MGA: variants seen among roughly 807,000 people sequenced by gnomAD.
MGA encodes MAX dimerization protein MGA, also known as MAX gene-associated protein.
In MGA, 40 loss-of-function variants were observed where a neutral mutation model predicts 261.1. The observed-to-expected ratio is 0.15, with a 90% CI of 0.12 to 0.20. The LOEUF (loss-of-function observed/expected upper bound fraction) is 0.20, where lower values mean the gene tolerates loss of function less well. Ranked by LOEUF, MGA falls within the 10% of genes least tolerant of loss-of-function variation. The pLI is 1.00. For synonymous variants in MGA, 1,302 were observed against 1,290.6 expected (o/e 1.01, Z -0.19); for missense variants, 3,397 against 3,630.5 (o/e 0.94, Z 1.65).
In MGA at chr15:41,725,834, C is replaced by CAAA. The variant is rs1204528358; in HGVS notation, c.3431-1326_3431-1324dup. Among the ~76,000 whole-genome samples, 19 of 9,018 alleles carry CAAA rather than the reference C, an allele frequency of 2.1e-3. 2 individuals carry two copies. The highest frequency in any genetic ancestry group is 3.0e-3 in the Non-Finnish European group (15 of 5,000). 5.9% of individuals were successfully genotyped at this position (9,018 alleles called of 152,430 possible). A position where few individuals can be genotyped will look rare whatever the true frequency, so the allele number is the denominator to read the frequency against. Reference sequence around the variant, plus strand: ...TGGGCGACAGAGCGAGACTCCGTCTCAAAAAAAAAAAAAAAAAAAAAATAA... The same window carrying CAAA: ...TGGGCGACAGAGCGAGACTCCGTCTCAAAAAAAAAAAAAAAAAAAAAAAAATAA... On this transcript the variant is annotated intron_variant, in intron 9 of 23. Coordinates refer to ENST00000219905, the MANE Select transcript of MGA (RefSeq NM_001164273.2).
intron 2 of MGA, among the ~76,000 whole-genome samples, chr15:41,692,386 C>T (rs914621540): frequency 2.6e-5 from 4 of 152,134 alleles, no homozygotes; most frequent in African/African-American, 4.8e-5. Flanking sequence ...TTGGGGTCCT[C>T]GAGATTCTGC....
At chr15:41,674,595 C>T (rs1395394636) in intron 2 of MGA, among the ~76,000 whole-genome samples, 1 of 152,202 alleles carries the variant, frequency 6.6e-6, no homozygotes, top group South Asian at 2.1e-4. Flanking sequence ...TCTGGGCTCA[C>T]TGCAACCTCC....
At chr15:41,698,409 C>T (rs1212368672) in intron 3 of MGA, among the ~76,000 whole-genome samples, 1 of 152,132 alleles carries the variant, frequency 6.6e-6, no homozygotes, top group Non-Finnish European at 1.5e-5. Context: ...TTGTGATCCA[C>T]CTGCCTCGGC....
rs111704389 is a variant in MGA at position 41,729,666 on chromosome 15, A to G, written c.3843+317A>G. ...GTGAAACCCTATCTTTACTAAAAAT[A>G]CAAAAAAAAAAATTAGCTGGGCCTG... On this transcript the variant is annotated intron_variant, in intron 11 of 23. Coordinates refer to ENST00000219905, the MANE Select transcript of MGA (RefSeq NM_001164273.2). Among the ~76,000 whole-genome samples, 699 of 151,762 alleles carry G rather than the reference A, an allele frequency of 4.6e-3. 7 individuals carry two copies. Among genetic ancestry groups the G allele is most frequent in the African/African-American group, 0.016 (663 of 41,380 alleles).
intron 2 of MGA, among the ~76,000 whole-genome samples, chr15:41,688,686 T>C (rs922061255): frequency 1.3e-5 from 2 of 151,524 alleles, no homozygotes; most frequent in African/African-American, 2.4e-5. Context: ...TTTGTGTGGA[T>C]TGAGCTTTTC....
chr15:41,737,087 T>C (rs990942872), intron 13 of MGA, among the ~76,000 whole-genome samples: 21 of 152,178 alleles, frequency 1.4e-4, no homozygotes, highest in African/African-American at 7.2e-5. Flanking sequence ...GTTAGAACGG[T>C]AGGTGTAAGG....
intron 1 of MGA, among the ~76,000 whole-genome samples, chr15:41,629,965 A>G (rs1437276790): frequency 6.6e-6 from 1 of 152,148 alleles, no homozygotes; most frequent in African/African-American, 2.4e-5. Context: ...TCTTCCTGTT[A>G]CTTGAATCCT....
At position 41,713,280 on chromosome 15, in the gene MGA, C is replaced by A; in HGVS notation, c.3214C>A (p.Arg1072Ser). The change falls in exon 9 of 24, where the codon CGC becomes AGC. Residue 1072 changes from arginine (R) to serine (S), a missense_variant. By Grantham distance (110) the Arg-to-Ser change is moderately radical (BLOSUM62 -1). Transcript: ENST00000219905. ...GGAGAAGCGCCAACCTGCTCACTGC[C>A]GCCGACCAGACTGCATGTTTGGTTG... 1 of 1,613,902 alleles carries A rather than the reference C, an allele frequency of 6.2e-7. No homozygotes were observed. The highest frequency in any genetic ancestry group is 8.5e-7 in the Non-Finnish European group (1 of 1,179,882).
chr15:41,654,802 C>T (rs747721724), intron 1 of MGA, among the ~76,000 whole-genome samples: 1 of 152,194 alleles, frequency 6.6e-6, no homozygotes, highest in Non-Finnish European at 1.5e-5. Flanking sequence ...GCCCGAGCCA[C>T]TGTGCCTGAC....
intron 2 of MGA, among the ~76,000 whole-genome samples, chr15:41,681,613 G>A (rs2058685199): frequency 6.6e-6 from 1 of 151,866 alleles, no homozygotes; most frequent in Non-Finnish European, 1.5e-5. Context: ...TCCTCGCTTG[G>A]TTAATTTTTT....
chr15:41,715,058 C>T (rs1385804189), intron 9 of MGA, among the ~76,000 whole-genome samples: 3 of 150,382 alleles, frequency 2.0e-5, no homozygotes, highest in African/African-American at 7.3e-5. Context: ...TCAAGGTTCC[C>T]TCCCCCACTG....
upstream of MGA, among the ~76,000 whole-genome samples, chr15:41,656,344 T>TCTCTCTCTCTCTCTCTCTCTC (rs149903830): frequency 9.0e-4 from 54 of 60,002 alleles, 1 homozygote; most frequent in East Asian, 1.7e-3. Context: ...CTCTCCTCTC[T>TCTCTCTCTCTCTCTCTCTCTC]TCTCTCTCTC....
intron 1 of MGA, among the ~76,000 whole-genome samples, chr15:41,662,833 A>G (rs894146088): frequency 3.9e-5 from 6 of 152,118 alleles, no homozygotes; most frequent in African/African-American, 1.4e-4. Context: ...ATATACTAAC[A>G]TCTTGGTGCC....
At chr15:41,742,395 AG>A in intron 14 of MGA, 150 bp from the exon 15 acceptor site, 1 of 985,412 alleles carries the variant, frequency 1.0e-6, no homozygotes. Context: ...ATCTTAAAAA[AG>A]AAAAAAAAGA....
intron 1 of MGA, among the ~76,000 whole-genome samples, chr15:41,668,613 CTAAT>C (rs963005147): frequency 1.3e-5 from 2 of 152,044 alleles, no homozygotes; most frequent in African/African-American, 2.4e-5. Context: ...AGCACCTTAA[CTAAT>C]TAGATTAAAA....
At chr15:41,676,811 AAAAGGTTAT>A (rs1430564647) in intron 2 of MGA, among the ~76,000 whole-genome samples, 1 of 152,220 alleles carries the variant, frequency 6.6e-6, no homozygotes, top group Admixed American at 6.5e-5. Context: ...ATTATATTCT[AAAAGGTTAT>A]AACCATTTAT....
chr15:41,689,726 C>G (rs997961358), intron 2 of MGA, among the ~76,000 whole-genome samples: 1 of 151,728 alleles, frequency 6.6e-6, no homozygotes, highest in African/African-American at 2.4e-5. Flanking sequence ...CCACCACACC[C>G]GACTAATTTT....
In MGA at chr15:41,696,253, T is replaced by C; in HGVS notation, c.1243T>C (p.Ser415Pro). 1.2e-6 allele frequency: 2 copies of C among 1,613,928 alleles called. No homozygotes were observed. Among genetic ancestry groups the C allele is most frequent in the African/African-American group, 1.3e-5 (1 of 75,020 alleles). ...GACAGATGAAGAGACGGATGTATAC[T>C]CAAACAGTGATGATGATCCTATACT... The change falls in exon 3 of 24, where the codon TCA (serine) becomes CCA (proline). Residue 415 changes from serine (S) to proline (P), a missense_variant. Ser to Pro is a moderately conservative substitution (Grantham distance 74). This residue lies in a region of MGA where 563 missense variants were observed against 563.6 expected (regional missense o/e 1.00). Coordinates refer to ENST00000219905, the MANE Select transcript of MGA (RefSeq NM_001164273.2).
At chr15:41,649,275 G>A (rs1462934759) in intron 1 of MGA, among the ~76,000 whole-genome samples, 2 of 151,750 alleles carry the variant, frequency 1.3e-5, no homozygotes, top group East Asian at 1.9e-4. Flanking sequence ...CCAGCTATTC[G>A]GGAGGCTGAG....
Sources: allele counts gnomAD v4.1 joint callset (sites outside exome capture counted in the v4.1 genomes callset), GRCh38; gene constraint gnomAD v4.1.1; regional missense constraint gnomAD v4.1.1; transcripts MANE v1.5; gene names NCBI Gene and HGNC (gene_info 2026-07-23, HGNC 2026-07-21).